Variants in PLCE1 observed in about 807,000 individuals in gnomAD.
PLCE1 encodes 1-phosphatidylinositol 4,5-bisphosphate phosphodiesterase epsilon-1.
A neutral mutation model predicts 242.8 loss-of-function variants in PLCE1; 119 were observed. The ratio of observed to expected loss-of-function variants is 0.49; its 90% CI spans 0.42 to 0.57. PLCE1 has a LOEUF of 0.57. Among genes scored for constraint, PLCE1 ranks in the 20% least tolerant of loss-of-function variants. PLCE1 has a pLI of 0.00. For missense variants in PLCE1, 2,441 were observed against 2,788.8 expected, an observed-to-expected ratio of 0.88 and a Z score of 2.81; for synonymous variants, 945 against 1,017.4, an observed-to-expected ratio of 0.93 and a Z score of 1.35.
chr10:94,325,042 G>A lies in PLCE1; in HGVS notation c.6871G>A (p.Gly2291Ser). 2 of 1,614,196 alleles carry A rather than the reference G, an allele frequency of 1.2e-6. No homozygotes were observed. The highest frequency in any genetic ancestry group is 1.7e-6 in the Non-Finnish European group (2 of 1,180,032). ...IQTKEEKPVGGLSSSDTMDYR... is the reference protein window; with the variant it reads ...IQTKEEKPVGSLSSSDTMDYR... ...AACCAAGGAGGAGAAACCTGTGGGT[G>A]GCTTGTCCTCCAGTGACACAATGGA... The change falls in exon 32 of 33, where the codon GGC (glycine) becomes AGC (serine). Residue 2291 changes from glycine (G) to serine (S), a missense_variant. Gly to Ser is a moderately conservative substitution (Grantham distance 56). Around this residue, in one of 5 missense-constraint regions of PLCE1, gnomAD observed 310 missense variants for 317.2 expected, o/e 0.98. Coordinates refer to ENST00000371380, the MANE Select transcript of PLCE1 (RefSeq NM_016341.4).
At chr10:94,050,703 AT>A (rs1214890729) in intron 2 of PLCE1, among the ~76,000 whole-genome samples, 5 of 151,974 alleles carry the variant, frequency 3.3e-5, no homozygotes, top group South Asian at 2.1e-4. Context: ...AAAAATAAAA[AT>A]TTAAAAGAAA....
chr10:94,247,889 T>C (rs78906106), intron 8 of PLCE1, among the ~76,000 whole-genome samples: 2,369 of 152,298 alleles, frequency 0.016, 24 homozygotes, highest in South Asian at 0.039. Flanking sequence ...TGCTTGGAAA[T>C]CTTAAACTCC....
intron 22 of PLCE1, among the ~76,000 whole-genome samples, chr10:94,289,660 C>A (rs1163746304): frequency 6.6e-6 from 1 of 152,104 alleles, no homozygotes; most frequent in East Asian, 1.9e-4. Context: ...CATACCTAAA[C>A]AGACAAGGTA....
intron 4 of PLCE1, among the ~76,000 whole-genome samples, chr10:94,215,709 G>A (rs2137001798): frequency 6.6e-6 from 1 of 152,290 alleles, no homozygotes. Flanking sequence ...GTAAAGGAAA[G>A]TTAGTGAAGG....
chr10:94,066,117 A>G lies in PLCE1; in HGVS notation c.1206+33865A>G, dbSNP rs1033279087. On this transcript the variant is annotated intron_variant, in intron 2 of 32. Coordinates refer to ENST00000371380, the MANE Select transcript of PLCE1 (RefSeq NM_016341.4). The stretch of plus-strand genomic sequence containing the variant: ...AAAAATCACAAAGATCTATGTGGAG[A>G]CAGCAAACTTTGGGGAGGTCATTTT... 3.9e-5 allele frequency among the ~76,000 whole-genome samples: 6 copies of G among 152,276 alleles called. No individual in the cohort carries two copies. In the East Asian group the frequency reaches 1.2e-3, roughly 29 times the overall value.
chr10:94,330,708 A>G lies in PLCE1; in HGVS notation c.*2765A>G, dbSNP rs1193415538. On this transcript the variant is annotated 3_prime_UTR_variant, in exon 33 of 33. Coordinates refer to ENST00000371380, the MANE Select transcript of PLCE1 (RefSeq NM_016341.4). Reference sequence around the variant, plus strand: ...CTCCATCTCAAAAAAAAAAAAAAAAAGTAAAGAGTCTAGTCTACTATTATA... The same window carrying G: ...CTCCATCTCAAAAAAAAAAAAAAAAGGTAAAGAGTCTAGTCTACTATTATA... 2 of 151,950 alleles carry G rather than the reference A, an allele frequency of 1.3e-5. No homozygotes were observed. Among genetic ancestry groups the G allele is most frequent in the Non-Finnish European group, 2.9e-5 (2 of 68,004 alleles). The allele number at this position is 151,950 out of a possible 1,614,324, so 9.4% of individuals were successfully genotyped here.
chr10:94,089,472 C>T, intron 2 of PLCE1: 1 of 861,910 alleles, frequency 1.2e-6, no homozygotes, highest in East Asian at 2.6e-5. Flanking sequence ...CAGTGTTAGC[C>T]AAAATACAAT....
intron 3 of PLCE1, among the ~76,000 whole-genome samples, chr10:94,162,513 A>AT (rs1265328661): frequency 3.3e-5 from 5 of 152,020 alleles, no homozygotes; most frequent in African/African-American, 1.2e-4. Flanking sequence ...CCCCTTTATC[A>AT]TTTTTTATTG....
At chr10:94,008,812 A>T (rs1202681341) in intron 1 of PLCE1, among the ~76,000 whole-genome samples, 1 of 152,152 alleles carries the variant, frequency 6.6e-6, no homozygotes, top group Non-Finnish European at 1.5e-5. Flanking sequence ...GGAGGTAGAA[A>T]ATGCTCCTTC....
chr10:94,208,866 A>G (rs1014302912), intron 4 of PLCE1, among the ~76,000 whole-genome samples: 2 of 152,230 alleles, frequency 1.3e-5, no homozygotes, highest in African/African-American at 4.8e-5. Flanking sequence ...CGTGGGCCTC[A>G]AAACACAGGT....
chr10:94,056,921 G>A (rs1000492096), intron 2 of PLCE1, among the ~76,000 whole-genome samples: 4 of 151,242 alleles, frequency 2.6e-5, no homozygotes, highest in African/African-American at 9.7e-5. Flanking sequence ...CTTTTGTGAC[G>A]GGCGTTTTTC....
At chr10:94,062,147 G>T (rs1448057550) in intron 2 of PLCE1, among the ~76,000 whole-genome samples, 1 of 152,216 alleles carries the variant, frequency 6.6e-6, no homozygotes, top group Non-Finnish European at 1.5e-5. Flanking sequence ...TGATAGGTTG[G>T]TGGTTAAAAC....
chr10:94,147,255 C>G (rs112320214), intron 3 of PLCE1, among the ~76,000 whole-genome samples: 1 of 152,050 alleles, frequency 6.6e-6, no homozygotes, highest in Admixed American at 6.6e-5. Flanking sequence ...AACTCTGTCT[C>G]TACTAAAACT....
At chr10:94,233,673 C>T (rs1193336988) in intron 5 of PLCE1, among the ~76,000 whole-genome samples, 2 of 152,084 alleles carry the variant, frequency 1.3e-5, no homozygotes, top group Non-Finnish European at 2.9e-5. Flanking sequence ...TGGGGCTGGG[C>T]GCGGTGGCTC....
chr10:94,163,465 A>G (rs928287229), intron 3 of PLCE1, among the ~76,000 whole-genome samples: 1 of 152,068 alleles, frequency 6.6e-6, no homozygotes, highest in African/African-American at 2.4e-5. Flanking sequence ...TTTATCAGAG[A>G]CTAGGATTGC....
At chr10:94,094,345 T>C (rs1164112661) in intron 2 of PLCE1, among the ~76,000 whole-genome samples, 2 of 152,044 alleles carry the variant, frequency 1.3e-5, no homozygotes, top group Non-Finnish European at 2.9e-5. Context: ...ACAATTACAG[T>C]AGAGCAGAGT....
intron 3 of PLCE1, among the ~76,000 whole-genome samples, chr10:94,135,358 T>A (rs112250761): frequency 0.011 from 1,616 of 152,304 alleles, 37 homozygotes; most frequent in African/African-American, 0.036. Flanking sequence ...GGTCTTGAAC[T>A]CTGATGGCCA....
intron 1 of PLCE1, among the ~76,000 whole-genome samples, chr10:94,023,142 A>G (rs1447440643): frequency 1.3e-5 from 2 of 152,186 alleles, no homozygotes; most frequent in East Asian, 1.9e-4. Flanking sequence ...GGAGGGCTGC[A>G]GAACAAAGAT....
At chr10:94,269,104 T>TC in intron 17 of PLCE1, 68 bp downstream of exon 17, 1 of 870,210 alleles carries the variant, frequency 1.1e-6, no homozygotes, top group East Asian at 2.7e-5. Context: ...CTTTTTTTTT[T>TC]TTTTTTTTTT....
Sources: allele counts gnomAD v4.1 joint callset (sites outside exome capture counted in the v4.1 genomes callset), GRCh38; gene constraint gnomAD v4.1.1; regional missense constraint gnomAD v4.1.1; transcripts MANE v1.5; gene names NCBI Gene and HGNC (gene_info 2026-07-23, HGNC 2026-07-21).